FRAS1: variants seen among roughly 807,000 people sequenced by gnomAD.
FRAS1 encodes the protein extracellular matrix organizing protein FRAS1.
FRAS1 carries 290 observed loss-of-function variants against 435.2 expected under a neutral mutation model. That is an observed-to-expected ratio of 0.67 (90% confidence interval 0.61 to 0.73). The LOEUF is 0.73. FRAS1 is among the 30% of genes least tolerant of loss of function. The pLI is 0.00. For missense variants in FRAS1, 4,860 were observed against 5,001.5 expected, an observed-to-expected ratio of 0.97 and a Z score of 0.85; for synonymous variants, 1,800 against 1,851.0, an observed-to-expected ratio of 0.97 and a Z score of 0.71.
At chr4:78,425,230 A>G (rs1430118450) in intron 35 of FRAS1, among the ~76,000 whole-genome samples, 1 of 152,196 alleles carries the variant, frequency 6.6e-6, no homozygotes, top group East Asian at 1.9e-4. Context: ...AGAGCCATTC[A>G]TGGAATCCCT....
At chr4:78,406,800 G>A (rs1227398441) in intron 30 of FRAS1, among the ~76,000 whole-genome samples, 1 of 152,152 alleles carries the variant, frequency 6.6e-6, no homozygotes, top group East Asian at 1.9e-4. Flanking sequence ...TCACCACATA[G>A]GGTATAGTGG....
intron 2 of FRAS1, among the ~76,000 whole-genome samples, chr4:78,176,717 T>C (rs939357952): frequency 2.6e-5 from 4 of 152,202 alleles, no homozygotes; most frequent in African/African-American, 4.8e-5. Flanking sequence ...TAAACACTTA[T>C]GCAATACAAG....
intron 58 of FRAS1, among the ~76,000 whole-genome samples, chr4:78,486,209 T>C (rs1197523241): frequency 1.3e-5 from 2 of 152,222 alleles, no homozygotes; most frequent in Admixed American, 6.5e-5. Flanking sequence ...AAAGAGGCTA[T>C]TGCATTCCAG....
At chr4:78,255,482 A>G (rs1468791476) in intron 6 of FRAS1, 107 bp downstream of exon 6, 16 of 1,188,762 alleles carry the variant, frequency 1.3e-5, no homozygotes, top group Non-Finnish European at 6.9e-6. Flanking sequence ...AACAAGAAGC[A>G]AAGCCCTTTT....
At position 78,302,432 on chromosome 4, in the gene FRAS1, C is replaced by T. The variant is rs555736878; in HGVS notation, c.1535-5634C>T. Among the ~76,000 whole-genome samples the T allele has an allele frequency of 5.8e-3, 876 of 152,028 alleles. 8 individuals carry two copies. The highest frequency in any genetic ancestry group is 0.02 in the African/African-American group (815 of 41,286). ...TCTAGATCCCTGAGGAATCGCCACA[C>T]TGACTTCCACAATGGGTGAACTAGT... On this transcript the variant is annotated intron_variant, in intron 14 of 73. Coordinates refer to ENST00000512123, the MANE Select transcript of FRAS1 (RefSeq NM_025074.7).
At chr4:78,120,716 G>A (rs78868957) in intron 2 of FRAS1, among the ~76,000 whole-genome samples, 2,379 of 152,268 alleles carry the variant, frequency 0.016, 56 homozygotes, top group African/African-American at 0.054. Context: ...GCAGACTTTA[G>A]GGGTCTATCC....
intron 2 of FRAS1, among the ~76,000 whole-genome samples, chr4:78,228,960 A>G (rs1445781508): frequency 6.6e-6 from 1 of 152,210 alleles, no homozygotes; most frequent in East Asian, 1.9e-4. Flanking sequence ...TCCTAAAGCT[A>G]AGAAGTAAAT....
At position 78,432,497 on chromosome 4, in the gene FRAS1, T is replaced by C; in HGVS notation, c.5110T>C (p.Ser1704Pro). ...AATGCTGGAGGTGAGAGTAGAGGTG[T>C]CCCTGTCAGAAGACCGAGGGCCTCG... The part of the protein sequence containing the change: ...VTMLEVRVEV[S>P]LSEDRGPRLA... Residue 1704 changes from serine to proline, a missense_variant, in exon 38 of 74, where the codon TCC (serine) becomes CCC (proline). Coordinates refer to ENST00000512123, the MANE Select transcript of FRAS1 (RefSeq NM_025074.7). The C allele has an allele frequency of 6.2e-7, 1 of 1,613,200 alleles. No homozygotes were observed. Among genetic ancestry groups the C allele is most frequent in the Non-Finnish European group, 8.5e-7 (1 of 1,179,598 alleles).
chr4:78,085,411 C>A (rs1057486865), intron 2 of FRAS1, among the ~76,000 whole-genome samples: 4 of 152,188 alleles, frequency 2.6e-5, no homozygotes, highest in Admixed American at 1.3e-4. Context: ...TTGAAGGCAT[C>A]CTGATAAATA....
chr4:78,101,201 C>T (rs1327304505), intron 2 of FRAS1, among the ~76,000 whole-genome samples: 4 of 151,312 alleles, frequency 2.6e-5, no homozygotes, highest in Non-Finnish European at 5.9e-5. Flanking sequence ...AAGTGTGATT[C>T]TGTATTATTC....
intron 18 of FRAS1, among the ~76,000 whole-genome samples, chr4:78,324,270 A>T (rs1471174165): frequency 1.3e-5 from 2 of 152,252 alleles, no homozygotes; most frequent in Non-Finnish European, 2.9e-5. Context: ...TTAAAAAATG[A>T]ATAATTTTTA....
intron 61 of FRAS1, among the ~76,000 whole-genome samples, chr4:78,503,695 T>G (rs554561483): frequency 1.6e-3 from 240 of 152,318 alleles, no homozygotes; most frequent in African/African-American, 5.1e-3. Flanking sequence ...TTTGAAGGGT[T>G]TTTTGTGTCT....
intron 14 of FRAS1, among the ~76,000 whole-genome samples, chr4:78,289,879 T>C (rs1347953593): frequency 1.6e-4 from 25 of 152,164 alleles, no homozygotes; most frequent in Admixed American, 1.6e-3. Flanking sequence ...GCCTGTCTCT[T>C]TGGTATCACT....
intron 2 of FRAS1, among the ~76,000 whole-genome samples, chr4:78,077,714 T>C (rs1740712948): frequency 6.6e-6 from 1 of 152,172 alleles, no homozygotes; most frequent in South Asian, 2.1e-4. Context: ...TGTGTCTCAA[T>C]TGTTTCACTT....
At chr4:78,284,226 T>A (rs1578227600) in intron 12 of FRAS1, among the ~76,000 whole-genome samples, 179 bp from the exon 13 acceptor site, 1 of 116,476 alleles carries the variant, frequency 8.6e-6, no homozygotes, top group African/African-American at 3.1e-5. Flanking sequence ...TGCATTGGAA[T>A]GTATTTTTTT....
chr4:78,080,937 CTG>C (rs1232132336), intron 2 of FRAS1, among the ~76,000 whole-genome samples: 1 of 152,190 alleles, frequency 6.6e-6, no homozygotes, highest in Non-Finnish European at 1.5e-5. Flanking sequence ...TCCCTAAAAT[CTG>C]TCCTCTTTCC....
At chr4:78,354,925 G>T (rs1199527678) in intron 20 of FRAS1, among the ~76,000 whole-genome samples, 2 of 152,176 alleles carry the variant, frequency 1.3e-5, no homozygotes, top group Non-Finnish European at 1.5e-5. Context: ...CATCCGTCAT[G>T]ATTGTGGGTA....
chr4:78,096,125 A>T (rs1438535697), intron 2 of FRAS1, among the ~76,000 whole-genome samples: 4 of 152,192 alleles, frequency 2.6e-5, no homozygotes, highest in African/African-American at 4.8e-5. Context: ...GGCCAAAACA[A>T]AAGGGCTGCA....
At chr4:78,436,294 A>G (rs779232791) in intron 38 of FRAS1, among the ~76,000 whole-genome samples, 1 of 152,228 alleles carries the variant, frequency 6.6e-6, no homozygotes, top group Non-Finnish European at 1.5e-5. Context: ...CAGGGAAAGC[A>G]TATTAAAACC....
Sources: allele counts gnomAD v4.1 joint callset (sites outside exome capture counted in the v4.1 genomes callset), GRCh38; gene constraint gnomAD v4.1.1; transcripts MANE v1.5; gene names NCBI Gene and HGNC (gene_info 2026-07-23, HGNC 2026-07-21).